The following ZFHX3 variants were observed in gnomAD, a reference collection of about 807,000 sequenced individuals.
ZFHX3 encodes the protein zinc finger homeobox 3.
Under a neutral mutation model 279.1 loss-of-function variants are expected in ZFHX3, and 42 were observed. The ratio of observed to expected loss-of-function variants is 0.15; its 90% CI spans 0.12 to 0.19. The LOEUF (loss-of-function observed/expected upper bound fraction) is 0.19. Among genes scored for constraint, ZFHX3 ranks in the 10% least tolerant of loss-of-function variants. The pLI is 1.00. For missense variants in ZFHX3, 4,981 were observed against 4,754.0 expected (o/e 1.05, Z -1.40); for synonymous variants, 2,293 against 1,957.8 (o/e 1.17, Z -4.52).
At chr16:73,343,481 TTGGGAGGCCGAGG>T (rs2016071955) in intron 3 of ZFHX3, among the ~76,000 whole-genome samples, 1 of 152,140 alleles carries the variant, frequency 6.6e-6, no homozygotes, top group Non-Finnish European at 1.5e-5. Flanking sequence ...TCTCAGCTCT[TTGGGAGGCCGAGG>T]TGGGAGGAAT....
chr16:73,728,709 C>T (rs566058617), intron 1 of ZFHX3, among the ~76,000 whole-genome samples: 2 of 151,824 alleles, frequency 1.3e-5, no homozygotes, highest in African/African-American at 2.4e-5. Context: ...AAGAATTTTC[C>T]GTCTGTATCT....
chr16:73,206,823 G>C (rs1409328878), intron 5 of ZFHX3, among the ~76,000 whole-genome samples: 1 of 151,912 alleles, frequency 6.6e-6, no homozygotes, highest in African/African-American at 2.4e-5. Context: ...TTCAAGACCA[G>C]CCTGGCCAAC....
At chr16:73,624,504 G>A (rs1322891782) in intron 2 of ZFHX3, among the ~76,000 whole-genome samples, 1 of 152,102 alleles carries the variant, frequency 6.6e-6, no homozygotes, top group South Asian at 2.1e-4. Flanking sequence ...GGCTTTGAGA[G>A]AGAAAGCAGC....
chr16:73,609,697 GA>G (rs1282084786), intron 2 of ZFHX3: 6 of 152,076 alleles, frequency 3.9e-5, no homozygotes, highest in African/African-American at 1.4e-4. Context: ...GGGAAAGAGG[GA>G]GGGGTAATTG....
intron 2 of ZFHX3, among the ~76,000 whole-genome samples, chr16:73,468,250 C>T (rs1039884465): frequency 6.6e-6 from 1 of 152,058 alleles, no homozygotes; most frequent in Non-Finnish European, 1.5e-5. Flanking sequence ...AGCCTCCTGG[C>T]CCAGGATGAC....
At chr16:73,879,825 C>CCA (rs138251480) in intron 1 of ZFHX3, among the ~76,000 whole-genome samples, 77 of 150,052 alleles carry the variant, frequency 5.1e-4, no homozygotes, top group East Asian at 2.2e-3. Context: ...ACTGGCGCAC[C>CCA]CACACACACA....
At chr16:73,100,109 G>A (rs748823247) in intron 7 of ZFHX3, among the ~76,000 whole-genome samples, 5 of 152,132 alleles carry the variant, frequency 3.3e-5, no homozygotes, top group Non-Finnish European at 5.9e-5. Context: ...ACAATTCCGG[G>A]GCTCCACCAT....
At chr16:73,240,346 G>A (rs1043196504) in intron 5 of ZFHX3, among the ~76,000 whole-genome samples, 33 of 151,914 alleles carry the variant, frequency 2.2e-4, no homozygotes, top group African/African-American at 7.5e-4. Flanking sequence ...AGCCTCCCGA[G>A]TAGCTGGGAT....
intron 1 of ZFHX3, among the ~76,000 whole-genome samples, chr16:73,887,387 A>T (rs1259815139): frequency 3.9e-5 from 6 of 152,220 alleles, no homozygotes; most frequent in Non-Finnish European, 7.3e-5. Context: ...TTGCAAAACA[A>T]ACTCTTAAAA....
At chr16:72,915,169 C>T (rs1157083245) in intron 3 of ZFHX3, among the ~76,000 whole-genome samples, 1 of 152,228 alleles carries the variant, frequency 6.6e-6, no homozygotes, top group Non-Finnish European at 1.5e-5. Flanking sequence ...ACACTGGATT[C>T]TCCAAATATC....
At chr16:73,494,979 C>A (rs1405562727) in intron 2 of ZFHX3, among the ~76,000 whole-genome samples, 1 of 152,112 alleles carries the variant, frequency 6.6e-6, no homozygotes, top group Non-Finnish European at 1.5e-5. Context: ...GTTCCACTCG[C>A]CTTGTTTCTC....
intron 2 of ZFHX3, among the ~76,000 whole-genome samples, chr16:73,579,983 T>C (rs2051842872): frequency 6.8e-6 from 1 of 147,738 alleles, no homozygotes; most frequent in Admixed American, 6.8e-5. Context: ...TGTATTATAA[T>C]ACACATATAT....
chr16:73,497,756 C>T (rs1369006781), intron 2 of ZFHX3, among the ~76,000 whole-genome samples: 1 of 152,100 alleles, frequency 6.6e-6, no homozygotes, highest in South Asian at 2.1e-4. Context: ...TTGAAACGCT[C>T]CCAAAGATAT....
intron 2 of ZFHX3, chr16:73,554,863 T>C (rs1567517506): frequency 6.6e-6 from 1 of 152,164 alleles, no homozygotes; most frequent in Non-Finnish European, 1.5e-5. Context: ...CAATGTCTAC[T>C]AGGCCGGGAT....
intron 1 of ZFHX3, among the ~76,000 whole-genome samples, chr16:72,972,405 A>C (rs1326382141): frequency 6.6e-6 from 1 of 151,794 alleles, no homozygotes. Flanking sequence ...CAAAGAGTGG[A>C]CTCTGTCCAC....
intron 2 of ZFHX3, among the ~76,000 whole-genome samples, chr16:73,665,857 C>G (rs923247941): frequency 7.1e-6 from 1 of 140,530 alleles, no homozygotes; most frequent in Non-Finnish European, 1.5e-5. Flanking sequence ...TGCTCTGTCA[C>G]CCAGGTGGAG....
chr16:73,706,448 C>G (rs144420356), intron 1 of ZFHX3, among the ~76,000 whole-genome samples: 2,560 of 113,026 alleles, frequency 0.023, 66 homozygotes, highest in East Asian at 0.071. Context: ...AAGAGCGAAA[C>G]TCTATCTCAA....
At chr16:73,794,350 G>A (rs957184734) in intron 1 of ZFHX3, 1 of 152,216 alleles carries the variant, frequency 6.6e-6, no homozygotes, top group African/African-American at 2.4e-5. Flanking sequence ...GTGAGAAATT[G>A]GCAGGGACTC....
intron 4 of ZFHX3, among the ~76,000 whole-genome samples, chr16:72,879,481 A>G (rs1195483225): frequency 6.6e-6 from 1 of 152,102 alleles, no homozygotes; most frequent in Non-Finnish European, 1.5e-5. Context: ...GTTGAAGTGC[A>G]ATGGCGCGGC....
Sources: gnomAD v4.1 joint callset for allele counts (sites outside exome capture counted in the v4.1 genomes callset) on GRCh38, gnomAD v4.1.1 for gene constraint, MANE v1.5 for transcripts, NCBI Gene and HGNC (gene_info 2026-07-23, HGNC 2026-07-21) for gene names.